Variants in MCC observed in about 807,000 individuals in gnomAD.
The protein encoded by MCC is MCC regulator of Wnt signaling pathway.
A neutral mutation model predicts 116.2 loss-of-function variants in MCC; 90 were observed. That is an observed-to-expected ratio of 0.77 (90% confidence interval 0.65 to 0.92). The LOEUF (loss-of-function observed/expected upper bound fraction) is 0.92. Ranked by LOEUF, MCC falls within the 40% of genes least tolerant of loss-of-function variation. MCC has a pLI of 0.00. For missense variants in MCC, 1,516 were observed against 1,312.2 expected (o/e 1.16, Z -2.40); for synonymous variants, 578 against 510.5 (o/e 1.13, Z -1.78).
At chr5:113,211,957 C>G (rs1447718227) in intron 3 of MCC, among the ~76,000 whole-genome samples, 1 of 152,190 alleles carries the variant, frequency 6.6e-6, no homozygotes, top group Non-Finnish European at 1.5e-5. Context: ...TAAATACACA[C>G]ACAGTAAAGT....
chr5:113,466,583 T>C (rs1007224572), intron 1 of MCC, among the ~76,000 whole-genome samples: 17 of 152,116 alleles, frequency 1.1e-4, no homozygotes, highest in Non-Finnish European at 2.1e-4. Flanking sequence ...CAGTCTATCA[T>C]TGTTGGACAT....
intron 1 of MCC, chr5:113,433,587 G>T: frequency 9.6e-7 from 1 of 1,040,980 alleles, no homozygotes; most frequent in South Asian, 1.7e-5. Flanking sequence ...AGAACCATGT[G>T]GGTTACCAAG....
intron 3 of MCC, chr5:113,294,930 T>C (rs1766664082): frequency 1.0e-6 from 1 of 985,346 alleles, no homozygotes; most frequent in Non-Finnish European, 1.2e-6. Flanking sequence ...TCGAATCGTC[T>C]GGAGTTGTAA....
chr5:113,182,661 C>T (rs996928384), intron 3 of MCC, among the ~76,000 whole-genome samples: 1 of 152,210 alleles, frequency 6.6e-6, no homozygotes, highest in African/African-American at 2.4e-5. Context: ...TATTAATGCA[C>T]TTGATACTTC....
intron 3 of MCC, among the ~76,000 whole-genome samples, chr5:113,237,214 T>A (rs1014486731): frequency 7.2e-5 from 11 of 152,220 alleles, no homozygotes; most frequent in South Asian, 6.2e-4. Context: ...AAGTTAAATA[T>A]TTAATTGGTA....
At chr5:113,192,061 A>C (rs768498165) in intron 3 of MCC, among the ~76,000 whole-genome samples, 3 of 152,066 alleles carry the variant, frequency 2.0e-5, no homozygotes, top group Non-Finnish European at 4.4e-5. Flanking sequence ...TTTTCCCCCC[A>C]CTACAGAACT....
chr5:113,311,062 C>T (rs1173667653), intron 3 of MCC, among the ~76,000 whole-genome samples: 1 of 152,212 alleles, frequency 6.6e-6, no homozygotes, highest in Non-Finnish European at 1.5e-5. Context: ...TGCAGGAGTT[C>T]ATGGTTACAG....
At chr5:113,185,979 C>G (rs114472481) in intron 3 of MCC, among the ~76,000 whole-genome samples, 34 of 152,154 alleles carry the variant, frequency 2.2e-4, no homozygotes, top group African/African-American at 7.7e-4. Context: ...CACCAAGACC[C>G]TGAGGAGATC....
At chr5:113,344,044 C>T (rs1299894819) in intron 2 of MCC, among the ~76,000 whole-genome samples, 1 of 152,110 alleles carries the variant, frequency 6.6e-6, no homozygotes, top group African/African-American at 2.4e-5. Context: ...TAGGAAAGAC[C>T]GTCTTGAATC....
intron 17 of MCC, among the ~76,000 whole-genome samples, chr5:113,034,498 C>A (rs960749698): frequency 3.9e-5 from 6 of 152,170 alleles, no homozygotes; most frequent in Non-Finnish European, 8.8e-5. Flanking sequence ...AGTCATCGGG[C>A]GAGAGCCCAG....
chr5:113,404,222 A>G (rs1480411344), intron 1 of MCC, among the ~76,000 whole-genome samples: 1 of 152,190 alleles, frequency 6.6e-6, no homozygotes, highest in Non-Finnish European at 1.5e-5. Flanking sequence ...TTTGAAGTCA[A>G]GGAAACCTCT....
chr5:113,182,799 T>C (rs1761698238), intron 3 of MCC, among the ~76,000 whole-genome samples: 1 of 152,198 alleles, frequency 6.6e-6, no homozygotes. Flanking sequence ...GGGCACTCAA[T>C]GCATGCGCAT....
intron 3 of MCC, among the ~76,000 whole-genome samples, chr5:113,229,934 T>C (rs1377403502): frequency 6.6e-6 from 1 of 152,206 alleles, no homozygotes; most frequent in Non-Finnish European, 1.5e-5. Flanking sequence ...TAACAACACA[T>C]TTCTCAAAAT....
intron 3 of MCC, among the ~76,000 whole-genome samples, chr5:113,186,329 G>T (rs1761894525): frequency 6.6e-6 from 1 of 152,118 alleles, no homozygotes; most frequent in Non-Finnish European, 1.5e-5. Context: ...TGTTTGATTT[G>T]CAGTCTCCCT....
At chr5:113,351,374 T>C (rs1038897920) in intron 2 of MCC, among the ~76,000 whole-genome samples, 2 of 152,152 alleles carry the variant, frequency 1.3e-5, no homozygotes, top group African/African-American at 4.8e-5. Flanking sequence ...AAGAATGAGA[T>C]CCTGTTATTT....
At chr5:113,177,026 TAAC>T (rs1405340562) in intron 3 of MCC, among the ~76,000 whole-genome samples, 1 of 152,166 alleles carries the variant, frequency 6.6e-6, no homozygotes, top group Non-Finnish European at 1.5e-5. Flanking sequence ...ATATAAACAA[TAAC>T]AACTCTTCAG....
At chr5:113,313,431 CA>C (rs1335226021) in intron 3 of MCC, among the ~76,000 whole-genome samples, 1 of 152,102 alleles carries the variant, frequency 6.6e-6, no homozygotes, top group African/African-American at 2.4e-5. Flanking sequence ...TCACTGAAAG[CA>C]AAGTGAGCTT....
chr5:113,207,583 C>T (rs1446162550), intron 3 of MCC, among the ~76,000 whole-genome samples: 2 of 152,110 alleles, frequency 1.3e-5, no homozygotes, highest in South Asian at 2.1e-4. Context: ...TGTCCATCCA[C>T]GTAGTTATCC....
chr5:113,259,223 G>A (rs1019984854), intron 3 of MCC, among the ~76,000 whole-genome samples: 1 of 152,206 alleles, frequency 6.6e-6, no homozygotes, highest in African/African-American at 2.4e-5. Context: ...CTCCATTAGA[G>A]AGGAATGCAT....
Sources: gnomAD v4.1 joint callset for allele counts (sites outside exome capture counted in the v4.1 genomes callset) on GRCh38, gnomAD v4.1.1 for gene constraint, MANE v1.5 for transcripts, NCBI Gene and HGNC (gene_info 2026-07-23, HGNC 2026-07-21) for gene names.